LRP1B: variants seen among roughly 807,000 people sequenced by gnomAD.
LRP1B encodes the protein low-density lipoprotein receptor-related protein 1B.
LRP1B carries 217 observed loss-of-function variants against 556.6 expected under a neutral mutation model. The observed-to-expected ratio is 0.39, with a 90% CI of 0.35 to 0.44. The LOEUF is 0.44. LRP1B is among the 20% of genes least tolerant of loss of function. The pLI, the probability that LRP1B is intolerant of heterozygous loss-of-function variation, is 1.00. For synonymous variants in LRP1B, 2,047 were observed against 1,865.8 expected, an observed-to-expected ratio of 1.10 and a Z score of -2.50; for missense variants, 5,053 against 5,620.8, an observed-to-expected ratio of 0.90 and a Z score of 3.23.
chr2:140,416,085 G>A (rs532375863), intron 66 of LRP1B, among the ~76,000 whole-genome samples: 121 of 152,220 alleles, frequency 7.9e-4, no homozygotes, highest in Non-Finnish European at 4.6e-4. Context: ...AGTGGCAGGC[G>A]AGCTAGCCAA....
At chr2:141,915,805 A>C (rs1574489418) in intron 1 of LRP1B, among the ~76,000 whole-genome samples, 2 of 152,256 alleles carry the variant, frequency 1.3e-5, no homozygotes, top group African/African-American at 4.8e-5. Context: ...GAGACAGACA[A>C]GTGGCCAACA....
Position 141,058,954 on chromosome 2 carries a change from T to A in LRP1B, c.1337A>T (p.Asp446Val), listed in dbSNP as rs1453585077. The change falls in exon 9 of 91, where the codon GAT becomes GTT. Residue 446 changes from aspartate (D) to valine (V), a missense_variant. This residue lies in a region of LRP1B where 3,619 missense variants were observed against 3,931.9 expected (regional missense o/e 0.92). Transcript: ENST00000389484. ...CTCAATTTTAATTAATGAGTGAATA[T>A]CAGTCCCATTAAATCGGTTTATCCT... is the stretch of plus-strand genomic sequence containing the variant. ...IVRINRFNGT[D>V]IHSLIKIENA... 9.4e-6 allele frequency: 15 copies of A among 1,601,054 alleles called. No individual in the cohort carries two copies. Among genetic ancestry groups the A allele is most frequent in the Admixed American group, 1.7e-5 (1 of 58,352 alleles).
intron 41 of LRP1B, among the ~76,000 whole-genome samples, chr2:140,686,805 G>A (rs1363072884): frequency 6.6e-6 from 1 of 151,922 alleles, no homozygotes; most frequent in African/African-American, 2.4e-5. Flanking sequence ...TAGGAAGGAA[G>A]TTTCTATGGG....
chr2:141,215,692 G>A (rs538893726), intron 6 of LRP1B, among the ~76,000 whole-genome samples: 186 of 152,272 alleles, frequency 1.2e-3, no homozygotes, highest in African/African-American at 4.3e-3. Context: ...ATTCTCTTCA[G>A]GCTCTATGGA....
intron 2 of LRP1B, among the ~76,000 whole-genome samples, chr2:141,690,400 T>TAAATAAATAA (rs367731341): frequency 3.1e-3 from 35 of 11,130 alleles, no homozygotes; most frequent in South Asian, 0.016. Context: ...TCTATAAATA[T>TAAATAAATAA]ATATATATAT....
chr2:141,274,903 G>A (rs920920326), intron 3 of LRP1B, among the ~76,000 whole-genome samples: 3 of 152,094 alleles, frequency 2.0e-5, no homozygotes, highest in African/African-American at 7.2e-5. Context: ...GAATAAAGAC[G>A]TTTTTGGACA....
At chr2:140,969,001 G>A (rs1237481811) in intron 18 of LRP1B, among the ~76,000 whole-genome samples, 1 of 152,084 alleles carries the variant, frequency 6.6e-6, no homozygotes, top group East Asian at 1.9e-4. Flanking sequence ...AAAAATGTAT[G>A]TTCTGTTGAT....
At chr2:141,312,665 T>C (rs1185854955) in intron 3 of LRP1B, among the ~76,000 whole-genome samples, 1 of 151,962 alleles carries the variant, frequency 6.6e-6, no homozygotes, top group Non-Finnish European at 1.5e-5. Flanking sequence ...CATTTATTTA[T>C]GTGTAGAATT....
intron 3 of LRP1B, among the ~76,000 whole-genome samples, chr2:141,442,228 G>C (rs1327771164): frequency 6.6e-6 from 1 of 152,072 alleles, no homozygotes; most frequent in Non-Finnish European, 1.5e-5. Flanking sequence ...ATGTGGAAAA[G>C]TCTGTATTTC....
intron 79 of LRP1B, among the ~76,000 whole-genome samples, chr2:140,329,354 T>C (rs1356364599): frequency 6.6e-6 from 1 of 152,058 alleles, no homozygotes; most frequent in Non-Finnish European, 1.5e-5. Context: ...ATGCCCTCTC[T>C]CACCACTCCT....
chr2:141,565,942 C>T (rs1686314278), intron 2 of LRP1B, among the ~76,000 whole-genome samples: 1 of 151,780 alleles, frequency 6.6e-6, no homozygotes. Context: ...TGGCACTTTA[C>T]ATTTCTTTAT....
At chr2:140,696,998 T>C (rs1457287333) in intron 41 of LRP1B, among the ~76,000 whole-genome samples, 1 of 152,168 alleles carries the variant, frequency 6.6e-6, no homozygotes, top group Non-Finnish European at 1.5e-5. Context: ...ATGTATGGGT[T>C]GATTTTCCAT....
At chr2:141,145,011 A>C (rs1701745685) in intron 7 of LRP1B, among the ~76,000 whole-genome samples, 1 of 152,222 alleles carries the variant, frequency 6.6e-6, no homozygotes, top group Non-Finnish European at 1.5e-5. Flanking sequence ...GCAAACAGAC[A>C]AATTGGCTCT....
chr2:142,126,294 T>C (rs910814366), intron 1 of LRP1B, among the ~76,000 whole-genome samples: 2 of 151,458 alleles, frequency 1.3e-5, no homozygotes, highest in African/African-American at 4.8e-5. Flanking sequence ...TAAATAGACA[T>C]GTTTATCTGG....
rs2104934922 is a variant in LRP1B at position 140,769,321 on chromosome 2, A to T, written c.5650T>A (p.Ser1884Thr). The T allele has an allele frequency of 1.2e-6, 2 of 1,611,172 alleles. No individual in the cohort carries two copies. Among genetic ancestry groups the T allele is most frequent in the Non-Finnish European group, 1.7e-6 (2 of 1,178,234 alleles). ...ATTCCCCTGATTCCTTCATGAACAGAGTACATAAGAAATGATTCTATACCT... is the reference window on the plus strand; with the variant it reads ...ATTCCCCTGATTCCTTCATGAACAGTGTACATAAGAAATGATTCTATACCT... ...CQGIESFLMYSVHEGIRGIPL... is the reference protein window; with the variant it reads ...CQGIESFLMYTVHEGIRGIPL... The change falls in exon 35 of 91, where the codon TCT becomes ACT. Residue 1884 changes from serine (S) to threonine (T), a missense_variant. This residue lies in a region of LRP1B where 3,619 missense variants were observed against 3,931.9 expected (regional missense o/e 0.92). Coordinates refer to ENST00000389484, the MANE Select transcript of LRP1B (RefSeq NM_018557.3).
At chr2:140,349,486 T>C (rs1681861051) in intron 77 of LRP1B, among the ~76,000 whole-genome samples, 2 of 151,800 alleles carry the variant, frequency 1.3e-5, no homozygotes, top group African/African-American at 4.8e-5. Flanking sequence ...ATAAAATACA[T>C]AGAATTAATG....
In LRP1B at chr2:140,323,920, T is replaced by C. The variant is rs757814963; in HGVS notation, c.12487A>G (p.Ile4163Val). 1 of 1,571,746 alleles carries C rather than the reference T, an allele frequency of 6.4e-7. No individual in the cohort carries two copies. The highest frequency in any genetic ancestry group is 8.7e-7 in the Non-Finnish European group (1 of 1,142,974). ...LNIDKTKGVL[I>V]SHRYKQLDLP... ...TCTAGTTGTTTATAACGATGAGATA[T>C]CAAAACACCTTTTGTTTTATCAATA... The change falls in exon 81 of 91, where the codon ATA becomes GTA. Residue 4163 changes from isoleucine (I) to valine (V), a missense_variant. By Grantham distance (29) the Ile-to-Val change is conservative (BLOSUM62 3). Transcript: ENST00000389484.
intron 49 of LRP1B, among the ~76,000 whole-genome samples, chr2:140,520,704 G>T (rs1468598075): frequency 6.8e-6 from 1 of 147,598 alleles, no homozygotes; most frequent in African/African-American, 2.5e-5. Flanking sequence ...GACCTGCAGT[G>T]AGCTACAGTC....
intron 84 of LRP1B, among the ~76,000 whole-genome samples, chr2:140,289,999 A>T (rs1683308301): frequency 6.6e-6 from 1 of 152,064 alleles, no homozygotes; most frequent in African/African-American, 2.4e-5. Flanking sequence ...ACAGAAAAAT[A>T]ACTGGGCCTA....
Sources: gnomAD v4.1 joint callset for allele counts (sites outside exome capture counted in the v4.1 genomes callset) on GRCh38, gnomAD v4.1.1 for gene constraint, gnomAD v4.1.1 regional missense constraint, MANE v1.5 for transcripts, NCBI Gene and HGNC (gene_info 2026-07-23, HGNC 2026-07-21) for gene names.